Variants in ATAD2B observed in about 807,000 individuals in gnomAD.
ATAD2B encodes the protein ATPase family AAA domain-containing protein 2B.
ATAD2B carries 40 observed loss-of-function variants against 167.6 expected under a neutral mutation model. The observed-to-expected ratio is 0.24, with a 90% confidence interval of 0.19 to 0.31. ATAD2B has a LOEUF of 0.31. ATAD2B is among the 10% of genes least tolerant of loss of function. The pLI, the probability that ATAD2B is intolerant of heterozygous loss-of-function variation, is 1.00. For missense variants in ATAD2B, 1,242 were observed against 1,757.2 expected, an observed-to-expected ratio of 0.71 and a Z score of 5.24; for synonymous variants, 579 against 596.5, an observed-to-expected ratio of 0.97 and a Z score of 0.43.
At chr2:23,878,503 A>C (rs1697378770) in intron 7 of ATAD2B, among the ~76,000 whole-genome samples, 2 of 148,954 alleles carry the variant, frequency 1.3e-5, no homozygotes, top group Non-Finnish European at 3.0e-5. Flanking sequence ...CTAAAAACAC[A>C]AAAAAATTAG....
intron 22 of ATAD2B, among the ~76,000 whole-genome samples, chr2:23,767,963 CAA>C (rs1375913534): frequency 4.0e-5 from 6 of 151,522 alleles, no homozygotes; most frequent in Non-Finnish European, 5.9e-5. Context: ...AGAGTAATCT[CAA>C]AGAGTTCAGC....
chr2:23,724,553 G>A, the ATAD2B span, among the ~76,000 whole-genome samples: 3 of 152,058 alleles, frequency 2.0e-5, no homozygotes, highest in Non-Finnish European at 4.4e-5. Context: ...ATCACAACAG[G>A]AAAGGAGAAA....
At chr2:23,691,727 C>T in the ATAD2B span, 28 of 1,551,774 alleles carry the variant, frequency 1.8e-5, no homozygotes, top group Non-Finnish European at 2.1e-5. Context: ...CTCGTCCTGT[C>T]GAACCTGCAG....
intron 17 of ATAD2B, among the ~76,000 whole-genome samples, chr2:23,812,832 G>C (rs191794773): frequency 3.8e-5 from 5 of 133,032 alleles, no homozygotes; most frequent in African/African-American, 1.4e-4. Context: ...CACTGCAACA[G>C]AGTGAGACTC....
intron 2 of ATAD2B, among the ~76,000 whole-genome samples, chr2:23,890,738 A>G (rs1046481229): frequency 2.0e-4 from 31 of 152,240 alleles, no homozygotes; most frequent in Non-Finnish European, 4.6e-4. Context: ...CCCTAAAGTC[A>G]TTCCACAAAA....
chr2:23,918,202 C>CAAAAAA (rs35163952), intron 1 of ATAD2B, among the ~76,000 whole-genome samples: 4 of 95,914 alleles, frequency 4.2e-5, no homozygotes, highest in African/African-American at 8.6e-5. Flanking sequence ...CTTGTCTCTA[C>CAAAAAA]AAAAAAAAAA....
chr2:23,761,601 A>C (rs1046609241), intron 24 of ATAD2B, among the ~76,000 whole-genome samples: 1 of 152,236 alleles, frequency 6.6e-6, no homozygotes, highest in Non-Finnish European at 1.5e-5. Flanking sequence ...AAGGAAGGCT[A>C]TCTTTAGTGA....
intron 2 of ATAD2B, among the ~76,000 whole-genome samples, chr2:23,891,773 G>C (rs1699545166): frequency 6.6e-6 from 1 of 151,948 alleles, no homozygotes; most frequent in Non-Finnish European, 1.5e-5. Context: ...AAAGTGCTGG[G>C]ATTACAGGCG....
At chr2:23,870,858 A>C (rs914773369) in intron 8 of ATAD2B, among the ~76,000 whole-genome samples, 1 of 152,140 alleles carries the variant, frequency 6.6e-6, no homozygotes, top group Non-Finnish European at 1.5e-5. Context: ...TATAACCAGA[A>C]CTACTATGGA....
In ATAD2B at chr2:23,867,896, C is replaced by G; in HGVS notation, c.1127G>C (p.Arg376Pro). ...GCTTGCACCCACTTTCACTCGTTCT[C>G]GGAGAATACCGCTAGCTAAGTCCTC... ...RAEDLASGIL[R>P]ERVKVGASLA... Residue 376 changes from arginine (R) to proline (P), a missense_variant, in exon 10 of 28, where the codon CGA (arginine) becomes CCA (proline). This residue lies in a region of ATAD2B where 127 missense variants were observed against 146.3 expected (regional missense o/e 0.87). Coordinates refer to ENST00000238789, the MANE Select transcript of ATAD2B (RefSeq NM_017552.4). The G allele has an allele frequency of 6.2e-7, 1 of 1,613,774 alleles. No individual in the cohort carries two copies. The highest frequency in any genetic ancestry group is 8.5e-7 in the Non-Finnish European group (1 of 1,179,818).
intron 23 of ATAD2B, among the ~76,000 whole-genome samples, chr2:23,762,845 T>C (rs1676919491): frequency 6.6e-6 from 1 of 152,192 alleles, no homozygotes; most frequent in South Asian, 2.1e-4. Flanking sequence ...TCACTAGAGA[T>C]TTATTTCTTC....
intron 7 of ATAD2B, among the ~76,000 whole-genome samples, chr2:23,877,523 AAGGGG>A (rs1275001400): frequency 4.4e-5 from 2 of 45,242 alleles, no homozygotes. Context: ...AAGGGGAGGG[AAGGGG>A]AGGGGAGGGG....
At chr2:23,726,038 C>T in the ATAD2B span, among the ~76,000 whole-genome samples, 1 of 152,164 alleles carries the variant, frequency 6.6e-6, no homozygotes, top group Non-Finnish European at 1.5e-5. Context: ...GCTATATGAT[C>T]CATAAAAATG....
At chr2:23,896,132 A>G (rs1261263255) in intron 1 of ATAD2B, among the ~76,000 whole-genome samples, 162 bp from the exon 2 acceptor site, 1 of 150,022 alleles carries the variant, frequency 6.7e-6, no homozygotes, top group Non-Finnish European at 1.5e-5. Context: ...ACTGGCCAAC[A>G]TGGTGAAACC....
At chr2:23,757,030 G>C (rs1676032096) in intron 25 of ATAD2B, among the ~76,000 whole-genome samples, 1 of 152,070 alleles carries the variant, frequency 6.6e-6, no homozygotes, top group African/African-American at 2.4e-5. Flanking sequence ...TTATCACTAA[G>C]TCTTCTCTGC....
chr2:23,793,876 C>G (rs1300882764), intron 19 of ATAD2B, among the ~76,000 whole-genome samples: 1 of 152,084 alleles, frequency 6.6e-6, no homozygotes, highest in Non-Finnish European at 1.5e-5. Context: ...TCAATATTTA[C>G]AGATTTTAAA....
intron 12 of ATAD2B, among the ~76,000 whole-genome samples, 172 bp downstream of exon 12, chr2:23,863,209 T>A (rs547257950): frequency 2.6e-4 from 40 of 152,192 alleles, no homozygotes; most frequent in African/African-American, 9.6e-4. Context: ...GGGCAAGGAC[T>A]GATGCAGGAG....
At chr2:23,773,391 A>G (rs1678636760) in intron 22 of ATAD2B, among the ~76,000 whole-genome samples, 1 of 152,134 alleles carries the variant, frequency 6.6e-6, no homozygotes, top group East Asian at 1.9e-4. Context: ...GGTCCCGGCT[A>G]TTCAGGAGAC....
chr2:23,764,786 C>T (rs1007995757), intron 23 of ATAD2B, among the ~76,000 whole-genome samples: 2 of 134,510 alleles, frequency 1.5e-5, no homozygotes, highest in Non-Finnish European at 3.4e-5. Flanking sequence ...TTTAGCAATA[C>T]CAGTTTAACA....
Sources: gnomAD v4.1 joint callset for allele counts (sites outside exome capture counted in the v4.1 genomes callset) on GRCh38, gnomAD v4.1.1 for gene constraint, gnomAD v4.1.1 regional missense constraint, MANE v1.5 for transcripts, NCBI Gene and HGNC (gene_info 2026-07-23, HGNC 2026-07-21) for gene names.